The following SMARCA4 variants were observed in gnomAD, a reference collection of about 807,000 sequenced individuals.
The protein encoded by SMARCA4 is SWI/SNF-related matrix-associated actin-dependent regulator of chromatin subfamily A member 4.
In SMARCA4, 31 loss-of-function variants were observed where a neutral mutation model predicts 193.9. The ratio of observed to expected loss-of-function variants is 0.16; its 90% CI spans 0.12 to 0.22. The LOEUF (loss-of-function observed/expected upper bound fraction) is 0.22, where lower values mean the gene tolerates loss of function less well. Among genes scored for constraint, SMARCA4 ranks in the 10% least tolerant of loss-of-function variants. The pLI is 1.00. For missense variants in SMARCA4, 1,148 were observed against 2,296.0 expected, an observed-to-expected ratio of 0.50 and a Z score of 10.22; for synonymous variants, 942 against 933.1, an observed-to-expected ratio of 1.01 and a Z score of -0.17.
chr19:11,001,815 A>G (rs1447138271), intron 11 of SMARCA4, among the ~76,000 whole-genome samples: 1 of 152,220 alleles, frequency 6.6e-6, no homozygotes, highest in Non-Finnish European at 1.5e-5. Context: ...CTTTTTCTCC[A>G]TCCTGGAAGT....
rs1178576417 is a variant in SMARCA4 at position 10,986,618 on chromosome 19, A to G, written c.760+25A>G. 1 of 1,535,314 alleles carries G rather than the reference A, an allele frequency of 6.5e-7. No homozygotes were observed. Among genetic ancestry groups the G allele is most frequent in the Non-Finnish European group, 8.7e-7 (1 of 1,146,724 alleles). On this transcript the variant is annotated intron_variant, in intron 4 of 34. Transcript: ENST00000344626. The surrounding 1 kb of genome is among the most constrained non-coding windows in gnomAD (Gnocchi z 6.7). ...GGTAAGACTGGCTGCCCTGGCCCTC[A>G]GGTGTCTCAGAGCGAATGGCTGGGG...
chr19:10,972,386 A>G (rs1178979662), intron 1 of SMARCA4, among the ~76,000 whole-genome samples: 1 of 148,368 alleles, frequency 6.7e-6, no homozygotes, highest in Admixed American at 6.8e-5. Flanking sequence ...ATGAGCCACC[A>G]CGTCCGGCCC....
chr19:11,025,854 C>T (rs1049785285), intron 22 of SMARCA4, among the ~76,000 whole-genome samples: 17 of 152,196 alleles, frequency 1.1e-4, no homozygotes, highest in Non-Finnish European at 2.5e-4. Context: ...GAGTCACCAC[C>T]GTCTTCAGTG....
At chr19:11,010,353 T>C (rs2146231614) in intron 14 of SMARCA4, 28 bp from the exon 15 acceptor site, 1 of 1,613,058 alleles carries the variant, frequency 6.2e-7, no homozygotes, top group Non-Finnish European at 8.5e-7. Flanking sequence ...ATGTGTGTCC[T>C]TACCCGGCAC....
chr19:11,045,390 G>A (rs1275368257), intron 30 of SMARCA4, among the ~76,000 whole-genome samples: 1 of 152,112 alleles, frequency 6.6e-6, no homozygotes, highest in East Asian at 1.9e-4. Flanking sequence ...AGTAATGGCT[G>A]CCAAGCAGTG....
At position 10,967,246 on chromosome 19, in the gene SMARCA4, C is replaced by G. The variant is rs546451316; in HGVS notation, c.-32+6072C>G. 2.0e-5 allele frequency among the ~76,000 whole-genome samples: 3 copies of G among 152,252 alleles called. No individual in the cohort carries two copies. In the South Asian group the frequency reaches 6.2e-4, roughly 32 times the overall value. Reference sequence around the variant, plus strand: ...GTTGTTACAGGGCAGAGAGAAGGGACACATTGATTTCCCTCCAATTCCCTC... The same window carrying G: ...GTTGTTACAGGGCAGAGAGAAGGGAGACATTGATTTCCCTCCAATTCCCTC... On this transcript the variant is annotated intron_variant, in intron 1 of 34. Transcript: ENST00000344626.
rs2147099708 is a variant in SMARCA4, at chr19:11,058,906, G to A, written c.4635+17G>A. On this transcript the variant is annotated intron_variant, in intron 32 of 34. Coordinates refer to ENST00000344626, the MANE Select transcript of SMARCA4 (RefSeq NM_003072.5). The surrounding 1 kb of genome is among the most constrained non-coding windows in gnomAD (Gnocchi z 5.8). ...GGCTCCCTGGTGAGGGCACCGCTGG[G>A]GGTTGGGGATGGGCCACTCCCACAG... The A allele has an allele frequency of 6.2e-7, 1 of 1,605,050 alleles. No individual in the cohort carries two copies. Among genetic ancestry groups the A allele is most frequent in the South Asian group, 1.1e-5 (1 of 90,938 alleles).
In SMARCA4 at chr19:10,985,282, T is replaced by C. The variant is rs878854207; in HGVS notation, c.232T>C (p.Ser78Pro). Residue 78 changes from serine to proline, a missense_variant, in exon 3 of 35, where the codon TCC becomes CCC. Physicochemically the swap from Ser to Pro is moderately conservative, Grantham distance 74. Coordinates refer to ENST00000344626, the MANE Select transcript of SMARCA4 (RefSeq NM_003072.5). The surrounding 1 kb of genome is among the most constrained non-coding windows in gnomAD (Gnocchi z 4.5). ...ATGGTCCCTCTCGCAGCCCATGGAG[T>C]CCATGCATGAGAAGGGCATGTCGGA... is the stretch of plus-strand genomic sequence containing the variant. ...NMHQMHKPME[S>P]MHEKGMSDDP... 21 of 1,613,524 alleles carry C rather than the reference T, an allele frequency of 1.3e-5. No homozygotes were observed. The highest frequency in any genetic ancestry group is 1.7e-5 in the Non-Finnish European group (20 of 1,179,890).
At chr19:10,993,005 A>C (rs1344468032) in intron 8 of SMARCA4, among the ~76,000 whole-genome samples, 2 of 60,128 alleles carry the variant, frequency 3.3e-5, no homozygotes, top group Non-Finnish European at 6.1e-5. Flanking sequence ...TTTTTTTTTG[A>C]GTCAGAATCT....
rs117225503 is a variant in SMARCA4 at position 11,055,090 on chromosome 19, C to T, written c.4425-3165C>T. On this transcript the variant is annotated intron_variant, in intron 30 of 34. Transcript: ENST00000344626. The stretch of plus-strand genomic sequence containing the variant: ...ACCTCCAGGGAACTCTGCACCAGAG[C>T]GGAATCCTCAGACCGGCAACTGGGT... Among the ~76,000 whole-genome samples the T allele has an allele frequency of 3.9e-3, 593 of 152,280 alleles. 6 individuals carry two copies. Among genetic ancestry groups the T allele is most frequent in the Middle Eastern group, 0.031 (9 of 294 alleles).
At position 11,019,681 on chromosome 19, in the gene SMARCA4, G is replaced by A. The variant is rs2146376076; in HGVS notation, c.2596G>A (p.Asp866Asn). The A allele has an allele frequency of 6.2e-7, 1 of 1,613,102 alleles. No individual in the cohort carries two copies. The highest frequency in any genetic ancestry group is 1.6e-4 in the Middle Eastern group (1 of 6,062). ...LLTTYEYIIK[D>N]KHILAKIRWK... is the part of the protein sequence containing the mutation. ...GACGACGTACGAGTACATCATCAAA[G>A]ACAAGCACATCCTCGCCAAGGTAAC... The change falls in exon 18 of 35, where the codon GAC becomes AAC. Residue 866 changes from aspartate (D) to asparagine (N), a missense_variant. Physicochemically the swap from Asp to Asn is conservative, Grantham distance 23. Transcript: ENST00000344626. This position sits in a 1 kb window ranked among gnomAD's most constrained non-coding sequence, Gnocchi z 6.1.
chr19:11,018,712 A>T, intron 16 of SMARCA4, among the ~76,000 whole-genome samples: 1 of 151,554 alleles, frequency 6.6e-6, no homozygotes, highest in Non-Finnish European at 1.5e-5. Context: ...CCTACTTCTC[A>T]CTCTAAAGGG....
chr19:10,995,623 C>A, intron 9 of SMARCA4: 1 of 396,526 alleles, frequency 2.5e-6, no homozygotes, highest in Non-Finnish European at 5.0e-6. Flanking sequence ...GAGCCCCAGG[C>A]AGTGCGGACA....
At chr19:10,989,626 G>A (rs2086377482) in intron 7 of SMARCA4, among the ~76,000 whole-genome samples, 183 bp downstream of exon 7, 1 of 152,136 alleles carries the variant, frequency 6.6e-6, no homozygotes, top group East Asian at 1.9e-4. Flanking sequence ...GCAGTGCTGG[G>A]GACGTGGACC....
chr19:11,018,492 C>T (rs75395749), intron 16 of SMARCA4, among the ~76,000 whole-genome samples: 10 of 152,238 alleles, frequency 6.6e-5, no homozygotes, highest in South Asian at 6.2e-4. Context: ...TCACTGTCCT[C>T]GTTCTCTCTC....
In SMARCA4 at chr19:11,058,743, G is replaced by A. The variant is rs199690115; in HGVS notation, c.4534-45G>A. ...CACACAGCCAGGCCTGCGGGCAGGC[G>A]AGGCGGGGTCCTGAGGTAAGACCTG... On this transcript the variant is annotated intron_variant, in intron 31 of 34. Transcript: ENST00000344626. The surrounding 1 kb of genome is among the most constrained non-coding windows in gnomAD (Gnocchi z 5.8). 31 of 1,525,746 alleles carry A rather than the reference G, an allele frequency of 2.0e-5. No individual in the cohort carries two copies. Among genetic ancestry groups the A allele is most frequent in the African/African-American group, 1.4e-4 (10 of 73,262 alleles). The allele number at this position is 1,525,746 out of a possible 1,614,324, so 94.5% of individuals were successfully genotyped here.
At chr19:11,051,814 G>A (rs1289437832) in intron 30 of SMARCA4, among the ~76,000 whole-genome samples, 1 of 151,822 alleles carries the variant, frequency 6.6e-6, no homozygotes, top group Non-Finnish European at 1.5e-5. Context: ...AATAGCAGAT[G>A]AGGCCGGGTG....
intron 1 of SMARCA4, among the ~76,000 whole-genome samples, chr19:10,962,809 C>A (rs984229741): frequency 7.4e-6 from 1 of 134,908 alleles, no homozygotes; most frequent in Non-Finnish European, 1.7e-5. Flanking sequence ...TCCCAAAGTG[C>A]TAGGACTACA....
intron 8 of SMARCA4, among the ~76,000 whole-genome samples, chr19:10,992,086 G>A (rs149160487): frequency 6.6e-6 from 1 of 151,850 alleles, no homozygotes; most frequent in South Asian, 2.1e-4. Context: ...AAATAATCTA[G>A]ACAGTCAACA....
Sources: gnomAD v4.1 joint callset for allele counts (sites outside exome capture counted in the v4.1 genomes callset) on GRCh38, gnomAD v4.1.1 for gene constraint, Gnocchi (gnomAD v3.1) non-coding constraint, MANE v1.5 for transcripts, NCBI Gene and HGNC (gene_info 2026-07-23, HGNC 2026-07-21) for gene names.